AXDND1: variants seen among roughly 807,000 people sequenced by gnomAD.
AXDND1 encodes the protein axonemal dynein light chain domain-containing protein 1.
A neutral mutation model predicts 137.5 loss-of-function variants in AXDND1; 110 were observed. That is an observed-to-expected ratio of 0.80 (90% CI 0.69 to 0.94). AXDND1 has a LOEUF of 0.94. AXDND1 is among the 40% of genes least tolerant of loss of function. AXDND1 has a pLI of 0.00. For synonymous variants in AXDND1, 414 were observed against 399.7 expected, an observed-to-expected ratio of 1.04 and a Z score of -0.43; for missense variants, 1,191 against 1,169.8, an observed-to-expected ratio of 1.02 and a Z score of -0.26.
At chr1:179,423,510 C>T (rs1030398936) in intron 12 of AXDND1, among the ~76,000 whole-genome samples, 3 of 151,966 alleles carry the variant, frequency 2.0e-5, no homozygotes, top group Admixed American at 6.6e-5. Context: ...CTCCTCTTTT[C>T]CTTTCTCACT....
chr1:179,552,345 C>G (rs747050106), intron 25 of AXDND1: 9 of 547,856 alleles, frequency 1.6e-5, no homozygotes, highest in South Asian at 1.2e-4. Context: ...GGAGGAGATG[C>G]CTTTAAGGAG....
At chr1:179,488,649 T>C (rs766488652) in intron 18 of AXDND1, among the ~76,000 whole-genome samples, 8,988 of 96,990 alleles carry the variant, frequency 0.093, 867 homozygotes, top group Middle Eastern at 0.14. Flanking sequence ...CTTTCTTTCT[T>C]TCTTTCTTTC....
At chr1:179,404,298 T>C (rs540706432) in intron 11 of AXDND1, among the ~76,000 whole-genome samples, 8 of 151,376 alleles carry the variant, frequency 5.3e-5, no homozygotes, top group African/African-American at 1.9e-4. Flanking sequence ...CTTGGCTCAC[T>C]GCAACCTCTG....
At chr1:179,390,418 G>T (rs1483726042) in intron 9 of AXDND1, among the ~76,000 whole-genome samples, 3 of 152,150 alleles carry the variant, frequency 2.0e-5, no homozygotes, top group Non-Finnish European at 2.9e-5. Context: ...AGAAGCAAAA[G>T]AAATGACTTC....
At chr1:179,376,169 C>T (rs993277972) in intron 4 of AXDND1, among the ~76,000 whole-genome samples, 1 of 152,200 alleles carries the variant, frequency 6.6e-6, no homozygotes, top group Admixed American at 6.5e-5. Flanking sequence ...TTGCAAGGCT[C>T]TCTGTGTTTA....
intron 12 of AXDND1, among the ~76,000 whole-genome samples, chr1:179,416,051 C>G (rs1217063852): frequency 6.6e-6 from 1 of 152,080 alleles, no homozygotes; most frequent in Non-Finnish European, 1.5e-5. Flanking sequence ...TCTGTTAAAT[C>G]ATATACTTGT....
intron 18 of AXDND1, among the ~76,000 whole-genome samples, chr1:179,489,638 G>A (rs1411092982): frequency 6.6e-6 from 1 of 151,968 alleles, no homozygotes; most frequent in Non-Finnish European, 1.5e-5. Context: ...ATAAATTCAG[G>A]TGTCAAATAC....
chr1:179,459,837 CTTTCCCTT>C lies in AXDND1; in HGVS notation c.1799-8605_1799-8598del, dbSNP rs1213238388. ...CTTCCTTCTCTTTTTCTTTTCTTTTCTTTCCCTTCCTTCCTTCCTTTCTTTCCTTCCTT... is the reference window on the plus strand; with the variant it reads ...CTTCCTTCTCTTTTTCTTTTCTTTTCCCTTCCTTCCTTTCTTTCCTTCCTT... On this transcript the variant is annotated intron_variant, in intron 16 of 25. Coordinates refer to ENST00000367618, the MANE Select transcript of AXDND1 (RefSeq NM_144696.6). 1.5e-3 allele frequency among the ~76,000 whole-genome samples: 166 copies of C among 109,698 alleles called. 14 individuals carry two copies. Among genetic ancestry groups the C allele is most frequent in the African/African-American group, 5.9e-3 (157 of 26,420 alleles). The allele number at this position is 109,698 out of a possible 152,430, so 72.0% of individuals were successfully genotyped here.
In AXDND1 at chr1:179,385,235, CAG is replaced by C; in HGVS notation, c.742-1_742del. The C allele has an allele frequency of 6.2e-7, 1 of 1,607,702 alleles. No homozygotes were observed. The highest frequency in any genetic ancestry group is 8.5e-7 in the Non-Finnish European group (1 of 1,174,406). On this transcript the variant is annotated splice_acceptor_variant, in intron 8 of 25. Coordinates refer to ENST00000367618, the MANE Select transcript of AXDND1 (RefSeq NM_144696.6). LOFTEE classifies it high-confidence loss of function. ...ACTGATTATGTTACTTACCTTCTGA[CAG>C]ATGCACAAACTACTACATATATTGA...
intron 16 of AXDND1, among the ~76,000 whole-genome samples, chr1:179,459,716 T>C (rs796344391): frequency 1.9e-5 from 2 of 107,054 alleles, no homozygotes; most frequent in African/African-American, 8.3e-5. Context: ...TTCTTTCTTT[T>C]TCTTTCTTTC....
intron 4 of AXDND1, among the ~76,000 whole-genome samples, chr1:179,373,641 G>A (rs12750912): frequency 0.33 from 50,578 of 151,840 alleles, 8,934 homozygotes; most frequent in Middle Eastern, 0.45. Context: ...ATAGACCAAC[G>A]GAACAGAACA....
At chr1:179,380,105 C>T (rs376613829) in intron 6 of AXDND1, among the ~76,000 whole-genome samples, 15 of 150,746 alleles carry the variant, frequency 1.0e-4, no homozygotes, top group Middle Eastern at 3.5e-3. Context: ...AAAAAATAGC[C>T]GGGCGTGGTG....
intron 17 of AXDND1, among the ~76,000 whole-genome samples, chr1:179,474,138 T>C (rs1371424957): frequency 1.3e-5 from 2 of 151,598 alleles, no homozygotes; most frequent in East Asian, 3.9e-4. Context: ...GGCAGGAGAA[T>C]TGCTTGAACC....
chr1:179,369,319 C>G (rs1277902109), intron 3 of AXDND1, among the ~76,000 whole-genome samples: 2 of 152,150 alleles, frequency 1.3e-5, no homozygotes, highest in Non-Finnish European at 2.9e-5. Context: ...CTCAAGCAAT[C>G]CACCCGCCTT....
intron 25 of AXDND1, among the ~76,000 whole-genome samples, chr1:179,542,398 G>A (rs1672255709): frequency 1.3e-5 from 2 of 152,066 alleles, no homozygotes; most frequent in Admixed American, 1.3e-4. Flanking sequence ...CTGGCCCTAG[G>A]TACAGGGACA....
rs1309675840 is a variant in AXDND1 at position 179,394,040 on chromosome 1, C to T, written c.1001C>T (p.Thr334Ile). ...TTCAAGCATGTTATTGAAGAACTGACCAGGTAAAAACTGTGATTATCTTAA... is the reference window on the plus strand; with the variant it reads ...TTCAAGCATGTTATTGAAGAACTGATCAGGTAAAAACTGTGATTATCTTAA... The part of the protein sequence containing the change: ...YNFKHVIEEL[T>I]RELCLVRAHD... Residue 334 changes from threonine (T) to isoleucine (I), a missense_variant, in exon 10 of 26, where the codon ACC becomes ATC. Coordinates refer to ENST00000367618, the MANE Select transcript of AXDND1 (RefSeq NM_144696.6). 3.8e-6 allele frequency: 6 copies of T among 1,599,718 alleles called. No homozygotes were observed. Among genetic ancestry groups the T allele is most frequent in the Non-Finnish European group, 5.1e-6 (6 of 1,174,500 alleles).
rs1666371067 is a variant in AXDND1, at chr1:179,488,630, C to CTTT, written c.2092-2907_2092-2906insTTT. On this transcript the variant is annotated intron_variant, in intron 18 of 25. Coordinates refer to ENST00000367618, the MANE Select transcript of AXDND1 (RefSeq NM_144696.6). ...TTTCTTTCTTTCTTTCTCTCTCTCT[C>CTTT]TCTCCTTTCTTTCTTTCTTTCTTTC... 1.3e-4 allele frequency among the ~76,000 whole-genome samples: 8 copies of CTTT among 60,138 alleles called. 1 individual carries two copies. In the East Asian group the frequency reaches 5.1e-3, roughly 39 times the overall value. The allele number at this position is 60,138 out of a possible 152,430, so 39.5% of individuals were successfully genotyped here.
intron 25 of AXDND1, among the ~76,000 whole-genome samples, chr1:179,542,652 A>G (rs1256582802): frequency 5.9e-5 from 9 of 152,232 alleles, no homozygotes; most frequent in Admixed American, 5.9e-4. Flanking sequence ...CAAAAAGCCT[A>G]CTTGTTAAAC....
At chr1:179,506,013 T>C (rs1668507371) in intron 20 of AXDND1, among the ~76,000 whole-genome samples, 1 of 152,222 alleles carries the variant, frequency 6.6e-6, no homozygotes, top group Non-Finnish European at 1.5e-5. Flanking sequence ...GAATTCCTTG[T>C]TATAAGGCTT....
Sources: gnomAD v4.1 joint callset for allele counts (sites outside exome capture counted in the v4.1 genomes callset) on GRCh38, gnomAD v4.1.1 for gene constraint, MANE v1.5 for transcripts, NCBI Gene and HGNC (gene_info 2026-07-23, HGNC 2026-07-21) for gene names.